Variants in MYO18A observed in about 807,000 individuals in gnomAD.
MYO18A encodes unconventional myosin-XVIIIa.
In MYO18A, 78 loss-of-function variants were observed where a neutral mutation model predicts 235.8. The ratio of observed to expected loss-of-function variants is 0.33; its 90% CI spans 0.28 to 0.40. The LOEUF (loss-of-function observed/expected upper bound fraction) is 0.40, where lower values mean the gene tolerates loss of function less well. Among genes scored for constraint, MYO18A ranks in the 10% least tolerant of loss-of-function variants. The pLI is 1.00. For synonymous variants in MYO18A, 977 were observed against 1,077.8 expected (o/e 0.91, Z 1.83); for missense variants, 2,215 against 2,699.3 (o/e 0.82, Z 3.98).
In MYO18A at chr17:29,121,122, C is replaced by T. The variant is rs552820597; in HGVS notation, c.1461G>A (p.Met487Ile). 6.2e-7 allele frequency: 1 copy of T among 1,611,604 alleles called. No homozygotes were observed. The highest frequency in any genetic ancestry group is 8.5e-7 in the Non-Finnish European group (1 of 1,178,952). The change falls in exon 6 of 42, where the codon ATG becomes ATA. Residue 487 changes from methionine (M) to isoleucine (I), a missense_variant. Met to Ile is a conservative substitution (Grantham distance 10). Coordinates refer to ENST00000527372, the MANE Select transcript of MYO18A (RefSeq NM_078471.4). This position sits in a 1 kb window ranked among gnomAD's most constrained non-coding sequence, Gnocchi z 4.2. ...VAQTAYRAML[M>I]SRQDQSIILL... Reference sequence around the variant, plus strand: ...GGATGATTGACTGATCCTGACGGCTCATCAGCATCGCCCTGTATGCGGTCT... The same window carrying T: ...GGATGATTGACTGATCCTGACGGCTTATCAGCATCGCCCTGTATGCGGTCT...
In MYO18A at chr17:29,117,899, T is replaced by G; in HGVS notation, c.2038+146A>C. 1.0e-6 allele frequency: 1 copy of G among 970,170 alleles called. No individual in the cohort carries two copies. Among genetic ancestry groups the G allele is most frequent in the Non-Finnish European group, 1.5e-6 (1 of 668,882 alleles). 60.1% of individuals were successfully genotyped at this position (970,170 alleles called of 1,614,324 possible). ...GCTTCCCGGGCCTTCTGCTCTGAAG[T>G]GGGGGGCTGAGAAGAGGCACAAGCA... is the stretch of plus-strand genomic sequence containing the variant. On this transcript the variant is annotated intron_variant, in intron 10 of 41. Transcript: ENST00000527372. This position sits in a 1 kb window ranked among gnomAD's most constrained non-coding sequence, Gnocchi z 4.6.
intron 2 of MYO18A, among the ~76,000 whole-genome samples, chr17:29,131,105 G>A (rs192317746): frequency 1.6e-4 from 25 of 152,286 alleles, no homozygotes. Context: ...GGAGGTTAGG[G>A]GAGGTCCCCA....
chr17:29,089,672 G>A (rs1217296487), intron 37 of MYO18A, among the ~76,000 whole-genome samples: 1 of 152,178 alleles, frequency 6.6e-6, no homozygotes, highest in East Asian at 1.9e-4. Context: ...GGAACAGGCG[G>A]GGGGAGCTCG....
chr17:29,096,625 A>C (rs1283563607), intron 28 of MYO18A, 136 bp downstream of exon 28: 7 of 1,168,822 alleles, frequency 6.0e-6, no homozygotes, highest in Non-Finnish European at 6.9e-6. Context: ...TCACGTTCCA[A>C]GATGAGTGAC....
At chr17:29,108,812 A>G (rs1000619909) in intron 19 of MYO18A, among the ~76,000 whole-genome samples, 22 of 362 alleles carry the variant, frequency 0.061, no homozygotes, top group African/African-American at 0.18. Flanking sequence ...CATCAGTGCT[A>G]TAGTGCGGTG....
rs139899716 is a variant in MYO18A at position 29,121,649 on chromosome 17, G to A, written c.1269C>T (p.His423=). The A allele has an allele frequency of 3.3e-4, 526 of 1,570,928 alleles. 2 individuals carry two copies. The African/African-American group carries it at 3.4e-3, about 10-fold the overall frequency. Residue 423 remains histidine, a synonymous_variant, in exon 5 of 42, where the codon CAC becomes CAT. Transcript: ENST00000527372. The surrounding 1 kb of genome is among the most constrained non-coding windows in gnomAD (Gnocchi z 4.2). The part of the protein sequence containing the change: ...LVYLNESSVL[H]TLRQRYGASL... Reference sequence around the variant, plus strand: ...TAGCGCCATAGCGCTGGCGCAAGGTGTGCAGGACGCTGGACTCATTGAGGT... The same window carrying A: ...TAGCGCCATAGCGCTGGCGCAAGGTATGCAGGACGCTGGACTCATTGAGGT...
At chr17:29,119,220 C>T in intron 8 of MYO18A, 115 bp downstream of exon 8, 1 of 729,792 alleles carries the variant, frequency 1.4e-6, no homozygotes, top group Non-Finnish European at 2.3e-6. Flanking sequence ...ATGCACTGAC[C>T]AAACAGTGCA....
chr17:29,171,665 C>T (rs1290056351), intron 1 of MYO18A, among the ~76,000 whole-genome samples: 1 of 151,772 alleles, frequency 6.6e-6, no homozygotes, highest in Admixed American at 6.6e-5. Flanking sequence ...GAGGCCGAGA[C>T]GGGCAGATCG....
intron 2 of MYO18A, among the ~76,000 whole-genome samples, chr17:29,153,213 G>A (rs547475602): frequency 6.6e-6 from 1 of 152,272 alleles, no homozygotes; most frequent in South Asian, 2.1e-4. Context: ...GCAAACTCCT[G>A]GGCTCAAGCA....
chr17:29,093,287 A>G, intron 32 of MYO18A, 36 bp downstream of exon 32: 9 of 1,569,546 alleles, frequency 5.7e-6, no homozygotes, highest in Non-Finnish European at 7.8e-6. Flanking sequence ...ATGGGCAGGG[A>G]GCCGGCCAGG....
chr17:29,075,087 A>G (rs2065942318), intron 41 of MYO18A, 173 bp from the exon 42 acceptor site: 4 of 703,794 alleles, frequency 5.7e-6, no homozygotes, highest in Non-Finnish European at 7.0e-6. Context: ...TGCTAAGAGG[A>G]AGGAGACTCT....
At chr17:29,091,864 T>C (rs1037954993) in intron 34 of MYO18A, 5 of 328,614 alleles carry the variant, frequency 1.5e-5, no homozygotes, top group African/African-American at 4.3e-5. Flanking sequence ...TCTCTGCCGA[T>C]GGATGGGCCG....
Position 29,122,769 on chromosome 17 carries a change from GGACTTCGCAGTAC to G in MYO18A, c.1000-529_1000-517del, listed in dbSNP as rs2067232168. Among the ~76,000 whole-genome samples, 10 of 152,354 alleles carry G rather than the reference GGACTTCGCAGTAC, an allele frequency of 6.6e-5. No individual in the cohort carries two copies. The South Asian group carries it at 2.1e-3, about 32-fold the overall frequency. Reference sequence around the variant, plus strand: ...CTCAGATCTCAGCGGGGAGTCGCCTGGACTTCGCAGTACAGAATGATAGGTGGGCTCAGAGCCC... The same window carrying G: ...CTCAGATCTCAGCGGGGAGTCGCCTGAGAATGATAGGTGGGCTCAGAGCCC... On this transcript the variant is annotated intron_variant, in intron 2 of 41. Transcript: ENST00000527372.
At chr17:29,088,475 C>T (rs2066314875) in intron 37 of MYO18A, among the ~76,000 whole-genome samples, 1 of 152,140 alleles carries the variant, frequency 6.6e-6, no homozygotes, top group Non-Finnish European at 1.5e-5. Flanking sequence ...TCTAGATGCC[C>T]ACCTGTTTCT....
intron 2 of MYO18A, among the ~76,000 whole-genome samples, chr17:29,153,221 G>A (rs2067995096): frequency 1.3e-5 from 2 of 152,208 alleles, no homozygotes; most frequent in Admixed American, 1.3e-4. Context: ...CTGGGCTCAA[G>A]CAATCCTCTC....
chr17:29,139,247 C>T (rs1188800668), intron 2 of MYO18A, among the ~76,000 whole-genome samples: 2 of 152,194 alleles, frequency 1.3e-5, no homozygotes, highest in Non-Finnish European at 1.5e-5. Context: ...TGCTGGAGGC[C>T]CCCCTTCCCT....
intron 1 of MYO18A, among the ~76,000 whole-genome samples, chr17:29,167,892 A>T (rs2068317818): frequency 6.6e-6 from 1 of 152,180 alleles, no homozygotes; most frequent in Admixed American, 6.5e-5. Context: ...CATTTATTTA[A>T]TGACTACCAC....
chr17:29,090,208 G>T, intron 36 of MYO18A, 110 bp from the exon 37 acceptor site: 1 of 1,268,856 alleles, frequency 7.9e-7, no homozygotes, highest in South Asian at 1.5e-5. Flanking sequence ...GGGAGGGAGG[G>T]ATGCACCTGG....
intron 2 of MYO18A, among the ~76,000 whole-genome samples, chr17:29,123,486 T>C (rs1567613177): frequency 1.3e-5 from 2 of 152,222 alleles, no homozygotes; most frequent in South Asian, 4.1e-4. Context: ...GTATGTTCTT[T>C]GTCACATTTC....
Sources: gnomAD v4.1 joint callset for allele counts (sites outside exome capture counted in the v4.1 genomes callset) on GRCh38, gnomAD v4.1.1 for gene constraint, Gnocchi (gnomAD v3.1) non-coding constraint, MANE v1.5 for transcripts, NCBI Gene and HGNC (gene_info 2026-07-23, HGNC 2026-07-21) for gene names.